SLC35F1: variants seen among roughly 807,000 people sequenced by gnomAD.
SLC35F1 encodes chromosome 6 open reading frame 169.
A neutral mutation model predicts 48.7 loss-of-function variants in SLC35F1; 14 were observed. The ratio of observed to expected loss-of-function variants is 0.29; its 90% CI spans 0.19 to 0.45. The LOEUF is 0.45. Ranked by LOEUF, SLC35F1 falls within the 20% of genes least tolerant of loss-of-function variation. The pLI, the probability that SLC35F1 is intolerant of heterozygous loss-of-function variation, is 1.00. For missense variants in SLC35F1, 404 were observed against 500.0 expected (o/e 0.81, Z 1.83); for synonymous variants, 190 against 202.2 (o/e 0.94, Z 0.51).
Position 118,314,462 on chromosome 6 carries a change from C to A in SLC35F1, c.*210C>A. ...CCACCTGACTTGGAAGGATGCCTAG[C>A]TAACGTGTATCCTGATCACAACTCC... On this transcript the variant is annotated 3_prime_UTR_variant, in exon 8 of 8. Transcript: ENST00000360388. 1 of 588,908 alleles carries A rather than the reference C, an allele frequency of 1.7e-6. No individual in the cohort carries two copies. The highest frequency in any genetic ancestry group is 2.8e-5 in the East Asian group (1 of 35,632). The allele number at this position is 588,908 out of a possible 1,614,324, so 36.5% of individuals were successfully genotyped here.
intron 1 of SLC35F1, among the ~76,000 whole-genome samples, chr6:117,952,669 A>C (rs1452609669): frequency 6.6e-6 from 1 of 152,188 alleles, no homozygotes; most frequent in Non-Finnish European, 1.5e-5. Context: ...GATTCTTCTT[A>C]ATTACAAAGG....
chr6:118,308,813 T>C (rs1776340939), intron 7 of SLC35F1, among the ~76,000 whole-genome samples: 1 of 152,236 alleles, frequency 6.6e-6, no homozygotes, highest in African/African-American at 2.4e-5. Flanking sequence ...ATGCAGTTCA[T>C]GGACCAGTTT....
intron 7 of SLC35F1, among the ~76,000 whole-genome samples, chr6:118,307,619 G>T (rs1337151364): frequency 6.6e-6 from 1 of 152,136 alleles, no homozygotes; most frequent in Non-Finnish European, 1.5e-5. Context: ...CATTTTTAAT[G>T]CACTTCATAA....
At chr6:118,210,123 G>A (rs1931687) in intron 2 of SLC35F1, among the ~76,000 whole-genome samples, 1 of 152,158 alleles carries the variant, frequency 6.6e-6, no homozygotes, top group East Asian at 1.9e-4. Flanking sequence ...TGCCCCTTCA[G>A]AGCTCTTCCA....
At chr6:118,286,156 A>G (rs1776046583) in intron 7 of SLC35F1, among the ~76,000 whole-genome samples, 1 of 152,196 alleles carries the variant, frequency 6.6e-6, no homozygotes, top group African/African-American at 2.4e-5. Context: ...GAAACAGACC[A>G]AATATGGAAT....
intron 7 of SLC35F1, among the ~76,000 whole-genome samples, chr6:118,303,173 A>C (rs1168206837): frequency 6.6e-6 from 1 of 152,102 alleles, no homozygotes; most frequent in African/African-American, 2.4e-5. Flanking sequence ...TCATTTTGTC[A>C]AGGGGTTTCC....
At chr6:118,201,249 A>T (rs995919958) in intron 2 of SLC35F1, among the ~76,000 whole-genome samples, 1 of 152,124 alleles carries the variant, frequency 6.6e-6, no homozygotes, top group East Asian at 1.9e-4. Flanking sequence ...TTCCCTCAGA[A>T]TTTGCCAAAG....
chr6:118,160,300 A>T (rs1774211132), intron 2 of SLC35F1, among the ~76,000 whole-genome samples: 1 of 152,234 alleles, frequency 6.6e-6, no homozygotes, highest in Non-Finnish European at 1.5e-5. Flanking sequence ...AAGTGTTCTT[A>T]CGAGCTCTTC....
intron 1 of SLC35F1, among the ~76,000 whole-genome samples, chr6:118,003,756 T>A (rs1258456205): frequency 3.9e-5 from 6 of 152,176 alleles, no homozygotes; most frequent in South Asian, 2.1e-4. Context: ...CATTTTTTTT[T>A]AAAAGAGAGC....
intron 1 of SLC35F1, among the ~76,000 whole-genome samples, chr6:118,086,014 G>A (rs1772985103): frequency 6.6e-6 from 1 of 151,988 alleles, no homozygotes; most frequent in South Asian, 2.1e-4. Flanking sequence ...GAGAAGAAAG[G>A]TTTAAAAATT....
intron 2 of SLC35F1, among the ~76,000 whole-genome samples, chr6:118,170,028 G>A (rs376630035): frequency 3.6e-4 from 55 of 152,282 alleles, no homozygotes; most frequent in African/African-American, 1.1e-3. Flanking sequence ...TAAAACGCAG[G>A]CTAAGTTGCC....
At chr6:117,932,628 AT>A (rs561912716) in intron 1 of SLC35F1, among the ~76,000 whole-genome samples, 23 of 152,316 alleles carry the variant, frequency 1.5e-4, no homozygotes, top group Admixed American at 7.8e-4. Flanking sequence ...CAAATCCTTC[AT>A]TTCTAGAAAT....
At chr6:118,196,252 C>T (rs1241325342) in intron 2 of SLC35F1, among the ~76,000 whole-genome samples, 1 of 152,178 alleles carries the variant, frequency 6.6e-6, no homozygotes, top group East Asian at 1.9e-4. Flanking sequence ...GTTGTAGGCA[C>T]ATGTTTCTAA....
chr6:118,073,292 A>C (rs969677220), intron 1 of SLC35F1, among the ~76,000 whole-genome samples: 1 of 152,210 alleles, frequency 6.6e-6, no homozygotes, highest in African/African-American at 2.4e-5. Context: ...GTGTTGGGAC[A>C]GCATAGATTT....
chr6:117,919,941 G>A (rs1775875134), intron 1 of SLC35F1, among the ~76,000 whole-genome samples: 1 of 152,100 alleles, frequency 6.6e-6, no homozygotes, highest in Non-Finnish European at 1.5e-5. Context: ...ATTACAAAAC[G>A]AGCGTGGGCC....
intron 1 of SLC35F1, among the ~76,000 whole-genome samples, chr6:118,124,463 AACCTTT>A (rs760278031): frequency 5.0e-4 from 76 of 152,158 alleles, no homozygotes; most frequent in Non-Finnish European, 8.8e-4. Context: ...TATGTATTGG[AACCTTT>A]ATATTCCAAT....
intron 1 of SLC35F1, among the ~76,000 whole-genome samples, chr6:117,919,245 G>A (rs1466398477): frequency 1.3e-5 from 2 of 152,120 alleles, no homozygotes; most frequent in Non-Finnish European, 2.9e-5. Flanking sequence ...TGGTCCACTG[G>A]AGTGATGGTG....
In SLC35F1 at chr6:118,315,433, C is replaced by CTTTTTT. The variant is rs11293041; in HGVS notation, c.*1200_*1205dup. The CTTTTTT allele has an allele frequency of 1.0e-4, 8 of 78,914 alleles. No homozygotes were observed. The highest frequency in any genetic ancestry group is 1.4e-4 in the Non-Finnish European group (6 of 43,308). 4.9% of individuals were successfully genotyped at this position (78,914 alleles called of 1,614,324 possible). On this transcript the variant is annotated 3_prime_UTR_variant, in exon 8 of 8. Coordinates refer to ENST00000360388, the MANE Select transcript of SLC35F1 (RefSeq NM_001029858.4). ...ATAACAGATATATTGACACGACATT[C>CTTTTTT]TTTTTTTTTTTTTTTTTTTTTTTTG...
intron 1 of SLC35F1, among the ~76,000 whole-genome samples, chr6:118,035,294 T>C (rs1328133763): frequency 5.3e-5 from 8 of 152,066 alleles, no homozygotes; most frequent in African/African-American, 1.9e-4. Flanking sequence ...GTTTATGCAT[T>C]TTGTTCAACT....
Sources: gnomAD v4.1 joint callset for allele counts (sites outside exome capture counted in the v4.1 genomes callset) on GRCh38, gnomAD v4.1.1 for gene constraint, MANE v1.5 for transcripts, NCBI Gene and HGNC (gene_info 2026-07-23, HGNC 2026-07-21) for gene names.